The following ADGRE2 variants were observed in gnomAD, a reference collection of about 807,000 sequenced individuals.
ADGRE2 encodes CD97 antigen.
ADGRE2 carries 83 observed loss-of-function variants against 100.8 expected under a neutral mutation model. The observed-to-expected ratio is 0.82, with a 90% CI of 0.69 to 0.99. ADGRE2 has a LOEUF of 0.99. Among genes scored for constraint, ADGRE2 ranks in the 50% least tolerant of loss-of-function variants. The probability of loss-of-function intolerance (pLI) is 0.00; values close to 1 mark genes in which losing one functional copy is unlikely to be tolerated. For missense variants in ADGRE2, 814 were observed against 1,035.7 expected (o/e 0.79, Z 2.94); for synonymous variants, 355 against 413.0 (o/e 0.86, Z 1.70).
At position 14,776,810 on chromosome 19, in the gene ADGRE2, G is replaced by A; in HGVS notation, c.-54C>T. On this transcript the variant is annotated 5_prime_UTR_variant, in exon 2 of 21. Transcript: ENST00000315576. ...GCAGGGGAAAGAGTGAGTGGGACAG[G>A]GCTGTCCCGTCTCCGCAGGCTGGGC... 1.2e-6 allele frequency: 2 copies of A among 1,608,958 alleles called. No individual in the cohort carries two copies. The highest frequency in any genetic ancestry group is 1.7e-5 in the Admixed American group (1 of 59,452).
chr19:14,758,017 G>T (rs1326985166), intron 11 of ADGRE2, among the ~76,000 whole-genome samples: 1 of 151,968 alleles, frequency 6.6e-6, no homozygotes, highest in African/African-American at 2.4e-5. Context: ...CGCCTTGTTG[G>T]CCAGGCTGGT....
rs746627329 is a variant in ADGRE2 at position 14,746,314 on chromosome 19, C to T, written c.2101G>A (p.Val701Ile). ...PVCAIFSVNL[V>I]LFLVTLWILK... The stretch of plus-strand genomic sequence containing the variant: ...ATCCAGAGAGTCACCAGAAAGAGAA[C>T]TAAATTCACCTTCAGAAAACCACAG... The change falls in exon 18 of 21, where the codon GTT (valine) becomes ATT (isoleucine). Residue 701 changes from valine to isoleucine, a missense_variant. This residue lies in a region of ADGRE2 where 569 missense variants were observed against 692.7 expected (regional missense o/e 0.82). Coordinates refer to ENST00000315576, the MANE Select transcript of ADGRE2 (RefSeq NM_013447.4). The T allele has an allele frequency of 3.2e-5, 51 of 1,588,302 alleles. No homozygotes were observed. The highest frequency in any genetic ancestry group is 4.1e-5 in the Non-Finnish European group (47 of 1,158,576).
intron 16 of ADGRE2, among the ~76,000 whole-genome samples, chr19:14,748,489 A>C (rs2043160037): frequency 1.3e-5 from 2 of 152,072 alleles, no homozygotes. Flanking sequence ...TTGTATTTTT[A>C]GTAGAGACGG....
chr19:14,775,088 C>T (rs1008991936), intron 2 of ADGRE2, among the ~76,000 whole-genome samples: 6 of 150,638 alleles, frequency 4.0e-5, no homozygotes, highest in South Asian at 2.1e-4. Flanking sequence ...CTGCAATCTC[C>T]ACCTCCTGGG....
Position 14,765,536 on chromosome 19 carries a change from T to C in ADGRE2, c.816A>G (p.Gly272=), listed in dbSNP as rs751181560. The C allele has an allele frequency of 2.3e-5, 37 of 1,614,110 alleles. No homozygotes were observed. In the East Asian group the frequency reaches 3.6e-4, roughly 16 times the overall value. The change falls in exon 9 of 21, where the codon GGA becomes GGG. Residue 272 remains glycine (G), a synonymous_variant. Transcript: ENST00000315576. ...MTFSTWTPPP[G]VHSQTLSRFF... ...GGGGGCCACTCACCTGGCTGTGGAC[T>C]CCAGGGGGCGGGGTCCAGGTGGAGA...
chr19:14,764,324 G>A, intron 11 of ADGRE2, 109 bp downstream of exon 11: 3 of 937,336 alleles, frequency 3.2e-6, no homozygotes, highest in Non-Finnish European at 5.0e-6. Flanking sequence ...GTTTGTCGAT[G>A]AGAGTAACAC....
At position 14,764,453 on chromosome 19, in the gene ADGRE2, A is replaced by G. The variant is rs774354109; in HGVS notation, c.1064T>C (p.Phe355Ser). ...SKNLSNGLLNFSYPAGTELSL... is the reference protein window; with the variant it reads ...SKNLSNGLLNSSYPAGTELSL... ...CCTACCTGTGCCTGCAGGATAACTGAAGTTCAACAGCCCATTGGAAAGGTT... is the reference window on the plus strand; with the variant it reads ...CCTACCTGTGCCTGCAGGATAACTGGAGTTCAACAGCCCATTGGAAAGGTT... Residue 355 changes from phenylalanine (F) to serine (S), a missense_variant, in exon 11 of 21, where the codon TTC becomes TCC. Physicochemically the swap from Phe to Ser is radical, Grantham distance 155. Around this residue, in one of 5 missense-constraint regions of ADGRE2, gnomAD observed 569 missense variants for 692.7 expected, o/e 0.82. Transcript: ENST00000315576. The G allele has an allele frequency of 1.4e-5, 22 of 1,612,988 alleles. No individual in the cohort carries two copies. The highest frequency in any genetic ancestry group is 1.3e-4 in the Admixed American group (8 of 59,982).
intron 11 of ADGRE2, among the ~76,000 whole-genome samples, chr19:14,763,302 C>G (rs1002789706): frequency 4.6e-5 from 7 of 152,036 alleles, no homozygotes; most frequent in African/African-American, 7.2e-5. Flanking sequence ...GAGATCACGT[C>G]ACTGCTCTCC....
chr19:14,749,299 G>GATATATACATATATAATATAATTATATA (rs1568588871), intron 16 of ADGRE2, among the ~76,000 whole-genome samples: 1 of 104,810 alleles, frequency 9.5e-6, no homozygotes, highest in African/African-American at 2.8e-5. Flanking sequence ...ATAATTATAT[G>GATATATACATATATAATATAATTATATA]TAATTATATA....
chr19:14,743,999 G>T (rs1599792668), intron 18 of ADGRE2, among the ~76,000 whole-genome samples: 1 of 152,120 alleles, frequency 6.6e-6, no homozygotes, highest in African/African-American at 2.4e-5. Context: ...CAGCACTTTG[G>T]GGGGCCAAGG....
intron 15 of ADGRE2, 47 bp from the exon 16 acceptor site, chr19:14,751,718 G>A (rs1181864469): frequency 2.2e-6 from 3 of 1,394,118 alleles, no homozygotes; most frequent in Non-Finnish European, 3.0e-6. Flanking sequence ...AGATTTGAGT[G>A]TGGCCCATGG....
At chr19:14,767,672 T>G (rs2044043147) in intron 5 of ADGRE2, among the ~76,000 whole-genome samples, 1 of 152,312 alleles carries the variant, frequency 6.6e-6, no homozygotes, top group South Asian at 2.1e-4. Flanking sequence ...AGCTCCCAGC[T>G]GGGGCAGGGA....
At chr19:14,776,669 A>G (rs1187675004) in intron 2 of ADGRE2, 57 bp downstream of exon 2, 17 of 1,568,122 alleles carry the variant, frequency 1.1e-5, no homozygotes, top group Non-Finnish European at 1.3e-5. Context: ...GACGCATCCA[A>G]GGGGTCCCGC....
chr19:14,771,106 G>A (rs530616898), intron 5 of ADGRE2, among the ~76,000 whole-genome samples: 98 of 152,154 alleles, frequency 6.4e-4, no homozygotes, highest in African/African-American at 2.3e-3. Context: ...ATGCAGCTGC[G>A]TGCTCTCAGA....
intron 2 of ADGRE2, among the ~76,000 whole-genome samples, chr19:14,775,540 C>T (rs1443957545): frequency 1.3e-5 from 2 of 151,996 alleles, no homozygotes; most frequent in South Asian, 2.1e-4. Context: ...TGAGCATTTA[C>T]TGCCATCTTC....
chr19:14,769,334 G>C (rs1234574829), intron 5 of ADGRE2, among the ~76,000 whole-genome samples: 1 of 152,210 alleles, frequency 6.6e-6, no homozygotes, highest in Non-Finnish European at 1.5e-5. Flanking sequence ...TGAACCTTGA[G>C]GTTTGGATAG....
At position 14,764,856 on chromosome 19, in the gene ADGRE2, A is replaced by T. The variant is rs554094954; in HGVS notation, c.907-246T>A. Among the ~76,000 whole-genome samples, 116 of 152,274 alleles carry T rather than the reference A, an allele frequency of 7.6e-4. 1 individual carries two copies. The highest frequency in any genetic ancestry group is 2.7e-3 in the African/African-American group (111 of 41,566). On this transcript the variant is annotated intron_variant, in intron 10 of 20. Transcript: ENST00000315576. The stretch of plus-strand genomic sequence containing the variant: ...ACATGGTGAAACCCCGTCTCTACTA[A>T]AAATACAAAAATTAGCCGGGCGTGG...
chr19:14,766,816 AGT>A (rs2043998461), intron 6 of ADGRE2, among the ~76,000 whole-genome samples, 160 bp downstream of exon 6: 1 of 152,198 alleles, frequency 6.6e-6, no homozygotes, highest in Non-Finnish European at 1.5e-5. Context: ...CCGTGTGGCG[AGT>A]CCTTCCTGGG....
the ADGRE2 span, among the ~76,000 whole-genome samples, chr19:14,726,824 A>C: frequency 6.6e-6 from 1 of 152,100 alleles, no homozygotes; most frequent in Admixed American, 6.6e-5. Context: ...TTTTGGTCAC[A>C]ACCCTTTAAC....
Sources: gnomAD v4.1 joint callset for allele counts (sites outside exome capture counted in the v4.1 genomes callset) on GRCh38, gnomAD v4.1.1 for gene constraint, gnomAD v4.1.1 regional missense constraint, MANE v1.5 for transcripts, NCBI Gene and HGNC (gene_info 2026-07-23, HGNC 2026-07-21) for gene names.